MAGI1: variants seen among roughly 807,000 people sequenced by gnomAD.
The protein encoded by MAGI1 is membrane-associated guanylate kinase, WW and PDZ domain-containing protein 1.
In MAGI1, 58 loss-of-function variants were observed where a neutral mutation model predicts 139.9. The observed-to-expected ratio is 0.41, with a 90% CI of 0.34 to 0.52. The LOEUF (loss-of-function observed/expected upper bound fraction) is 0.52, where lower values mean the gene tolerates loss of function less well. Ranked by LOEUF, MAGI1 falls within the 20% of genes least tolerant of loss-of-function variation. The pLI, the probability that MAGI1 is intolerant of heterozygous loss-of-function variation, is 0.12. For missense variants in MAGI1, 1,874 were observed against 1,901.6 expected, an observed-to-expected ratio of 0.99 and a Z score of 0.27; for synonymous variants, 812 against 737.9, an observed-to-expected ratio of 1.10 and a Z score of -1.63.
At chr3:65,693,981 G>A (rs949638140) in intron 1 of MAGI1, among the ~76,000 whole-genome samples, 17 of 151,972 alleles carry the variant, frequency 1.1e-4, no homozygotes, top group Non-Finnish European at 1.5e-4. Context: ...TCGACCTCCC[G>A]AAGTGCTGGG....
At position 65,764,550 on chromosome 3, in the gene MAGI1, A is replaced by G. The variant is rs143574832; in HGVS notation, c.314-142462T>C. 4.6e-3 allele frequency among the ~76,000 whole-genome samples: 702 copies of G among 152,342 alleles called. 3 individuals carry two copies. Among genetic ancestry groups the G allele is most frequent in the Non-Finnish European group, 8.1e-3 (551 of 68,034 alleles). ...CACTTTTTACTCTAAATCAAAGTTC[A>G]ATTTACCTTAAAGTTTTAAAAAAGG... On this transcript the variant is annotated intron_variant, in intron 1 of 22. Transcript: ENST00000402939.
At chr3:65,857,609 T>C (rs1272988838) in intron 1 of MAGI1, among the ~76,000 whole-genome samples, 1 of 152,220 alleles carries the variant, frequency 6.6e-6, no homozygotes, top group Non-Finnish European at 1.5e-5. Context: ...CGTAGAAAGC[T>C]GGTCAGCAAA....
At chr3:65,385,403 T>C (rs1214748079) in intron 14 of MAGI1, among the ~76,000 whole-genome samples, 1 of 152,180 alleles carries the variant, frequency 6.6e-6, no homozygotes, top group East Asian at 1.9e-4. Context: ...TCAAATGCTA[T>C]AGTGCATACC....
chr3:65,474,997 T>C (rs1447062880), intron 4 of MAGI1, among the ~76,000 whole-genome samples: 1 of 152,144 alleles, frequency 6.6e-6, no homozygotes, highest in East Asian at 1.9e-4. Context: ...ACATTAGCTC[T>C]TATAGAAATG....
chr3:65,910,484 T>C (rs1032890114), intron 1 of MAGI1, among the ~76,000 whole-genome samples: 4 of 152,156 alleles, frequency 2.6e-5, no homozygotes, highest in African/African-American at 9.7e-5. Flanking sequence ...TACGCCACCA[T>C]TGCAAATGGC....
intron 1 of MAGI1, among the ~76,000 whole-genome samples, chr3:65,982,815 T>C (rs1184464691): frequency 6.6e-6 from 1 of 152,196 alleles, no homozygotes; most frequent in Non-Finnish European, 1.5e-5. Context: ...GCATCCCAGG[T>C]ACTAAAAGCT....
At chr3:65,867,879 C>T (rs756421131) in intron 1 of MAGI1, among the ~76,000 whole-genome samples, 2 of 152,130 alleles carry the variant, frequency 1.3e-5, no homozygotes, top group South Asian at 2.1e-4. Flanking sequence ...GCACTGGAGA[C>T]TCAGGGTCCA....
intron 1 of MAGI1, among the ~76,000 whole-genome samples, chr3:65,703,301 A>T (rs1179074552): frequency 1.3e-5 from 2 of 152,194 alleles, no homozygotes; most frequent in Non-Finnish European, 2.9e-5. Flanking sequence ...GTAGGGTGTA[A>T]GTGAGGACCC....
intron 2 of MAGI1, among the ~76,000 whole-genome samples, chr3:65,546,053 C>G (rs943084238): frequency 3.9e-5 from 6 of 151,916 alleles, no homozygotes; most frequent in African/African-American, 1.5e-4. Context: ...CTGTCCCAAC[C>G]CTAGCCTTCC....
At chr3:65,939,842 C>CA (rs1368750366) in intron 1 of MAGI1, among the ~76,000 whole-genome samples, 4 of 152,094 alleles carry the variant, frequency 2.6e-5, no homozygotes, top group Non-Finnish European at 5.9e-5. Context: ...CATTAATAAG[C>CA]ACATTGTGGC....
chr3:65,607,562 C>T (rs886243321), intron 2 of MAGI1, among the ~76,000 whole-genome samples: 15 of 152,124 alleles, frequency 9.9e-5, no homozygotes, highest in African/African-American at 3.1e-4. Context: ...TGAAAAAAAA[C>T]TGAGTCTCTG....
chr3:65,509,397 G>T (rs903918316), intron 2 of MAGI1, among the ~76,000 whole-genome samples: 1 of 152,174 alleles, frequency 6.6e-6, no homozygotes, highest in Non-Finnish European at 1.5e-5. Flanking sequence ...GAGGTACCGG[G>T]TTTATCTCAC....
At chr3:65,746,624 G>C (rs1024449423) in intron 1 of MAGI1, among the ~76,000 whole-genome samples, 5 of 151,846 alleles carry the variant, frequency 3.3e-5, no homozygotes, top group African/African-American at 1.2e-4. Flanking sequence ...CCATTCACTC[G>C]GCACATCTAG....
intron 18 of MAGI1, among the ~76,000 whole-genome samples, chr3:65,371,404 C>T (rs1559503006): frequency 6.6e-6 from 1 of 152,118 alleles, no homozygotes; most frequent in Non-Finnish European, 1.5e-5. Context: ...CACTACATAC[C>T]TTAATTTTAA....
At chr3:65,760,764 C>G (rs529739447) in intron 1 of MAGI1, among the ~76,000 whole-genome samples, 1 of 152,042 alleles carries the variant, frequency 6.6e-6, no homozygotes, top group Non-Finnish European at 1.5e-5. Flanking sequence ...CTAGCTACCA[C>G]ACAACACTGC....
At chr3:65,586,201 C>A (rs1474268574) in intron 2 of MAGI1, among the ~76,000 whole-genome samples, 3 of 151,062 alleles carry the variant, frequency 2.0e-5, no homozygotes, top group East Asian at 1.9e-4. Context: ...CAGAAAGAGA[C>A]CCTGTCTAAA....
intron 1 of MAGI1, chr3:65,874,313 A>C (rs1344979160): frequency 3.3e-5 from 5 of 152,170 alleles, no homozygotes; most frequent in African/African-American, 9.7e-5. Flanking sequence ...CTGTCTCAAA[A>C]AATTTTTTAA....
At chr3:65,486,196 C>T (rs940744253) in intron 3 of MAGI1, among the ~76,000 whole-genome samples, 2 of 152,214 alleles carry the variant, frequency 1.3e-5, no homozygotes, top group Admixed American at 1.3e-4. Context: ...AAAACAATAA[C>T]ATTATTGAAT....
chr3:65,936,696 C>A (rs2063069950), intron 1 of MAGI1, among the ~76,000 whole-genome samples: 2 of 151,948 alleles, frequency 1.3e-5, no homozygotes. Flanking sequence ...TCCAAAGTAC[C>A]TTACACCTTC....
Sources: gnomAD v4.1 joint callset for allele counts (sites outside exome capture counted in the v4.1 genomes callset) on GRCh38, gnomAD v4.1.1 for gene constraint, MANE v1.5 for transcripts, NCBI Gene and HGNC (gene_info 2026-07-23, HGNC 2026-07-21) for gene names.